The following SETD2 variants were observed in gnomAD, a reference collection of about 807,000 sequenced individuals.
The protein encoded by SETD2 is histone-lysine N-methyltransferase SETD2.
In SETD2, 31 loss-of-function variants were observed where a neutral mutation model predicts 242.1. That is an observed-to-expected ratio of 0.13 (90% CI 0.10 to 0.17). The LOEUF (loss-of-function observed/expected upper bound fraction) is 0.17. Ranked by LOEUF, SETD2 falls within the 10% of genes least tolerant of loss-of-function variation. The pLI is 1.00. For missense variants in SETD2, 2,481 were observed against 3,046.3 expected (o/e 0.81, Z 4.37); for synonymous variants, 1,006 against 1,066.5 (o/e 0.94, Z 1.11).
intron 17 of SETD2, among the ~76,000 whole-genome samples, chr3:47,038,056 CA>C (rs1367878851): frequency 1.3e-5 from 2 of 152,176 alleles, no homozygotes; most frequent in South Asian, 4.1e-4. Context: ...GTCTGTCTCT[CA>C]CCTGACTCTT....
At chr3:47,158,872 C>T (rs1697398502) in intron 1 of SETD2, among the ~76,000 whole-genome samples, 1 of 152,164 alleles carries the variant, frequency 6.6e-6, no homozygotes, top group Admixed American at 6.5e-5. Flanking sequence ...GAAAGAAATG[C>T]TAACTTCTAG....
chr3:47,057,204 T>A lies in SETD2; in HGVS notation c.6580A>T (p.Met2194Leu). 6.2e-7 allele frequency: 1 copy of A among 1,614,208 alleles called. No individual in the cohort carries two copies. The highest frequency in any genetic ancestry group is 1.1e-5 in the South Asian group (1 of 91,082). The part of the protein sequence containing the change: ...AGKVLLPTPS[M>L]DPVCSPAPYD... ...GGAGCAGGAGAACACACTGGGTCCATGCTGGGTGTGGGCAGGAGCACCTTT... is the reference window on the plus strand; with the variant it reads ...GGAGCAGGAGAACACACTGGGTCCAAGCTGGGTGTGGGCAGGAGCACCTTT... Residue 2194 changes from methionine (M) to leucine (L), a missense_variant, in exon 15 of 21, where the codon ATG becomes TTG. By Grantham distance (15) the Met-to-Leu change is conservative. Coordinates refer to ENST00000409792, the MANE Select transcript of SETD2 (RefSeq NM_014159.7).
chr3:47,147,991 G>A (rs1272005395), intron 1 of SETD2, among the ~76,000 whole-genome samples: 1 of 150,934 alleles, frequency 6.6e-6, no homozygotes, highest in Non-Finnish European at 1.5e-5. Context: ...ATAAAGGTAT[G>A]CTTAGAACCC....
chr3:47,026,542 T>G (rs979100956), intron 18 of SETD2, among the ~76,000 whole-genome samples: 3 of 152,104 alleles, frequency 2.0e-5, no homozygotes, highest in Non-Finnish European at 4.4e-5. Flanking sequence ...TAGCAAAGAC[T>G]TGGAACCAAC....
In SETD2 at chr3:47,123,305, G is replaced by A. The variant is rs1030309071; in HGVS notation, c.1331C>T (p.Thr444Met). 26 of 1,551,728 alleles carry A rather than the reference G, an allele frequency of 1.7e-5. No individual in the cohort carries two copies. Among genetic ancestry groups the A allele is most frequent in the East Asian group, 2.4e-5 (1 of 40,922 alleles). ...YHRSSPYRER[T>M]RYSRPYTDNR... is the part of the protein sequence containing the mutation. The stretch of plus-strand genomic sequence containing the variant: ...ATCTGTGTATGGCCGAGAATAGCGC[G>A]TCCTCTCTCGATAAGGGGAGCTCCT... The change falls in exon 3 of 21, where the codon ACG becomes ATG. Residue 444 changes from threonine to methionine, a missense_variant. By Grantham distance (81) the Thr-to-Met change is moderately conservative. This residue lies in a region of SETD2 where 1,300 missense variants were observed against 1,259.2 expected (regional missense o/e 1.03). Coordinates refer to ENST00000409792, the MANE Select transcript of SETD2 (RefSeq NM_014159.7).
chr3:47,050,716 CCTCT>C (rs900693620), intron 15 of SETD2, among the ~76,000 whole-genome samples: 3 of 107,150 alleles, frequency 2.8e-5, no homozygotes, highest in Non-Finnish European at 6.1e-5. Context: ...GTATACATTT[CCTCT>C]CTCTTTTTTT....
chr3:47,137,787 A>G (rs1039311122), intron 1 of SETD2, among the ~76,000 whole-genome samples: 1 of 142,596 alleles, frequency 7.0e-6, no homozygotes, highest in Non-Finnish European at 1.5e-5. Flanking sequence ...CCCAGGTTCA[A>G]GCAATTCTCC....
Position 47,123,494 on chromosome 3 carries a change from G to A in SETD2, c.1142C>T (p.Ser381Leu), listed in dbSNP as rs746121346. 2 of 1,550,982 alleles carry A rather than the reference G, an allele frequency of 1.3e-6. No individual in the cohort carries two copies. The highest frequency in any genetic ancestry group is 2.4e-5 in the South Asian group (2 of 84,024). ...TDRDDKYFSY[S>L]KLERDTRYVS... Reference sequence around the variant, plus strand: ...ATACCGAGTATCTCTTTCAAGTTTTGAATAGCTAAAATATTTATCATCTCT... The same window carrying A: ...ATACCGAGTATCTCTTTCAAGTTTTAAATAGCTAAAATATTTATCATCTCT... Residue 381 changes from serine to leucine, a missense_variant, in exon 3 of 21, where the codon TCA becomes TTA. Physicochemically the swap from Ser to Leu is moderately radical, Grantham distance 145. Around this residue, in one of 17 missense-constraint regions of SETD2, gnomAD observed 1,300 missense variants for 1,259.2 expected, o/e 1.03. Coordinates refer to ENST00000409792, the MANE Select transcript of SETD2 (RefSeq NM_014159.7).
intron 6 of SETD2, among the ~76,000 whole-genome samples, chr3:47,103,746 A>G (rs1256120541): frequency 2.0e-5 from 3 of 151,670 alleles, no homozygotes; most frequent in Middle Eastern, 3.2e-3. Context: ...ACACGCACGC[A>G]CACACACACA....
At chr3:47,040,345 T>A (rs1368493329) in intron 17 of SETD2, among the ~76,000 whole-genome samples, 1 of 152,108 alleles carries the variant, frequency 6.6e-6, no homozygotes, top group Non-Finnish European at 1.5e-5. Context: ...TATGAAAATT[T>A]TAAGCTTCTT....
chr3:47,092,874 C>T (rs2041859819), intron 9 of SETD2, among the ~76,000 whole-genome samples: 1 of 152,106 alleles, frequency 6.6e-6, no homozygotes, highest in Admixed American at 6.6e-5. Context: ...TGTACCTACC[C>T]CTTCCTGGTT....
rs2107719858 is a variant in SETD2 at position 47,113,984 on chromosome 3, C to T, written c.4607G>A (p.Gly1536Glu). The change falls in exon 5 of 21, where the codon GGG becomes GAG. Residue 1536 changes from glycine (G) to glutamate (E), a missense_variant. Gly to Glu is a moderately conservative substitution (Grantham distance 98, BLOSUM62 -2). This residue lies in a region of SETD2 where 61 missense variants were observed against 221.4 expected (regional missense o/e 0.28). Transcript: ENST00000409792. The part of the protein sequence containing the change: ...MIECSSRCPN[G>E]DYCSNRRFQR... ...AAACCGTCTATTGGAACAATAATCC[C>T]CATTTGGACACCGAGAAGAACTGAA... The T allele has an allele frequency of 6.2e-7, 1 of 1,609,658 alleles. No homozygotes were observed. Among genetic ancestry groups the T allele is most frequent in the Non-Finnish European group, 8.5e-7 (1 of 1,178,210 alleles).
chr3:47,045,517 C>T (rs2039480661), intron 16 of SETD2, among the ~76,000 whole-genome samples: 1 of 115,816 alleles, frequency 8.6e-6, no homozygotes, highest in African/African-American at 3.5e-5. Flanking sequence ...GACTCCATCT[C>T]TTAAAAAAAA....
chr3:47,051,234 A>G (rs2039831024), intron 15 of SETD2, among the ~76,000 whole-genome samples: 1 of 151,968 alleles, frequency 6.6e-6, no homozygotes, highest in Admixed American at 6.6e-5. Flanking sequence ...CCTCCCGAGT[A>G]GCTGGGACTA....
chr3:47,104,809 T>C (rs375446418), intron 6 of SETD2, among the ~76,000 whole-genome samples: 1 of 152,224 alleles, frequency 6.6e-6, no homozygotes, highest in Admixed American at 6.5e-5. Context: ...TAGTGGTTCA[T>C]GCCTGTAATC....
At chr3:47,026,838 T>C (rs1040753333) in intron 18 of SETD2, among the ~76,000 whole-genome samples, 1 of 151,878 alleles carries the variant, frequency 6.6e-6, no homozygotes, top group Non-Finnish European at 1.5e-5. Context: ...GATGGCATTA[T>C]GAGAAAAACC....
At chr3:47,032,543 A>G (rs890788235) in intron 18 of SETD2, among the ~76,000 whole-genome samples, 1 of 152,048 alleles carries the variant, frequency 6.6e-6, no homozygotes, top group Non-Finnish European at 1.5e-5. Flanking sequence ...AAAAACAAAA[A>G]CAAAAAAAAA....
At position 47,110,946 on chromosome 3, in the gene SETD2, G is replaced by A. The variant is rs138726635; in HGVS notation, c.4715+2930C>T. Among the ~76,000 whole-genome samples, 385 of 151,990 alleles carry A rather than the reference G, an allele frequency of 2.5e-3. 4 individuals carry two copies. Among genetic ancestry groups the A allele is most frequent in the African/African-American group, 8.8e-3 (366 of 41,448 alleles). ...AGCACTGAGCTATCAAAGAGTGTCTGTTGCAAGTAACAGAATTTAGATCAG... is the reference window on the plus strand; with the variant it reads ...AGCACTGAGCTATCAAAGAGTGTCTATTGCAAGTAACAGAATTTAGATCAG... On this transcript the variant is annotated intron_variant, in intron 5 of 20. Transcript: ENST00000409792.
intron 1 of SETD2, among the ~76,000 whole-genome samples, chr3:47,133,267 T>C (rs1322836676): frequency 6.6e-6 from 1 of 152,184 alleles, no homozygotes; most frequent in Non-Finnish European, 1.5e-5. Flanking sequence ...TGGTCCAGGT[T>C]GGTCTCGAAC....
Sources: allele counts gnomAD v4.1 joint callset (sites outside exome capture counted in the v4.1 genomes callset), GRCh38; gene constraint gnomAD v4.1.1; regional missense constraint gnomAD v4.1.1; transcripts MANE v1.5; gene names NCBI Gene and HGNC (gene_info 2026-07-23, HGNC 2026-07-21).